The following DYNC1I1 variants were observed in gnomAD, a reference collection of about 807,000 sequenced individuals.
DYNC1I1 encodes cytoplasmic dynein 1 intermediate chain 1.
Under a neutral mutation model 86.6 loss-of-function variants are expected in DYNC1I1, and 43 were observed. The observed-to-expected ratio is 0.50, with a 90% confidence interval of 0.39 to 0.64. The LOEUF (loss-of-function observed/expected upper bound fraction) is 0.64, where lower values mean the gene tolerates loss of function less well. Among genes scored for constraint, DYNC1I1 ranks in the 30% least tolerant of loss-of-function variants. The probability of loss-of-function intolerance (pLI) is 0.00; values close to 1 mark genes in which losing one functional copy is unlikely to be tolerated. For synonymous variants in DYNC1I1, 262 were observed against 283.7 expected (o/e 0.92, Z 0.77); for missense variants, 604 against 788.8 (o/e 0.77, Z 2.81).
chr7:95,970,703 T>C (rs1793144357), intron 6 of DYNC1I1, among the ~76,000 whole-genome samples: 1 of 152,222 alleles, frequency 6.6e-6, no homozygotes, highest in Admixed American at 6.5e-5. Flanking sequence ...GTCTCCTGTT[T>C]TCATATTACC....
At position 95,867,434 on chromosome 7, in the gene DYNC1I1, A is replaced by G. The variant is rs190214672; in HGVS notation, c.375-2449A>G. ...TGTCACTTGTCCAAAGTTTTCCCCT[A>G]CCATTCAGCTGTATGTTCAAAGCAG... On this transcript the variant is annotated intron_variant, in intron 5 of 16. Transcript: ENST00000447467. 9.1e-4 allele frequency among the ~76,000 whole-genome samples: 138 copies of G among 152,282 alleles called. 1 individual carries two copies. Among genetic ancestry groups the G allele is most frequent in the Middle Eastern group, 3.4e-3 (1 of 294 alleles).
At chr7:95,978,241 C>A (rs1256666168) in intron 7 of DYNC1I1, among the ~76,000 whole-genome samples, 1 of 152,122 alleles carries the variant, frequency 6.6e-6, no homozygotes, top group Non-Finnish European at 1.5e-5. Flanking sequence ...AGAGAGAGGT[C>A]TAAAACTTTA....
chr7:95,855,412 T>C (rs1170241800), intron 5 of DYNC1I1, among the ~76,000 whole-genome samples: 2 of 152,182 alleles, frequency 1.3e-5, no homozygotes, highest in Non-Finnish European at 2.9e-5. Flanking sequence ...CAAGATTACT[T>C]TGGGTAGCTT....
intron 15 of DYNC1I1, among the ~76,000 whole-genome samples, chr7:96,077,142 A>C (rs1283991949): frequency 6.6e-5 from 10 of 152,256 alleles, no homozygotes; most frequent in African/African-American, 2.4e-4. Context: ...AACAACAAAA[A>C]GGTCTTTTGA....
At chr7:96,024,590 C>T (rs319289) in intron 10 of DYNC1I1, among the ~76,000 whole-genome samples, 69,167 of 152,002 alleles carry the variant, frequency 0.46, 16,270 homozygotes, top group East Asian at 0.6. Flanking sequence ...TTATTAGTCT[C>T]CATTTAATAA....
At chr7:95,798,331 C>CT (rs1045487296) in intron 1 of DYNC1I1, among the ~76,000 whole-genome samples, 1 of 150,026 alleles carries the variant, frequency 6.7e-6, no homozygotes. Context: ...CTATCACCCT[C>CT]TTTTTTTTTG....
intron 6 of DYNC1I1, among the ~76,000 whole-genome samples, chr7:95,966,521 T>G (rs976929339): frequency 6.6e-6 from 1 of 152,164 alleles, no homozygotes. Flanking sequence ...CCCTTTTCTC[T>G]TCATACTGTT....
chr7:96,067,211 A>G (rs1327173150), intron 14 of DYNC1I1, among the ~76,000 whole-genome samples: 2 of 152,204 alleles, frequency 1.3e-5, no homozygotes, highest in Non-Finnish European at 2.9e-5. Context: ...AACAAAATCA[A>G]TAGTTTACTG....
At chr7:95,910,735 T>C (rs1055495291) in intron 6 of DYNC1I1, among the ~76,000 whole-genome samples, 2 of 152,226 alleles carry the variant, frequency 1.3e-5, no homozygotes, top group South Asian at 4.1e-4. Context: ...CTGTCACTTA[T>C]TAGTTACATG....
intron 5 of DYNC1I1, among the ~76,000 whole-genome samples, chr7:95,831,469 C>T (rs1788902193): frequency 1.3e-5 from 2 of 152,058 alleles, no homozygotes; most frequent in Non-Finnish European, 2.9e-5. Context: ...GCCTCCCAGG[C>T]CAGAGACAGA....
chr7:96,026,422 G>T (rs1030490778), intron 10 of DYNC1I1, among the ~76,000 whole-genome samples: 23 of 150,088 alleles, frequency 1.5e-4, no homozygotes, highest in Admixed American at 6.0e-4. Flanking sequence ...GAGGTCATAG[G>T]TTTTTTTTTG....
At chr7:95,955,721 C>T (rs888761918) in intron 6 of DYNC1I1, among the ~76,000 whole-genome samples, 17 of 152,122 alleles carry the variant, frequency 1.1e-4, no homozygotes, top group Admixed American at 3.9e-4. Context: ...GACCAGCTTA[C>T]GTGCAAGGAA....
intron 6 of DYNC1I1, among the ~76,000 whole-genome samples, chr7:95,936,639 C>T (rs959321218): frequency 2.0e-5 from 3 of 151,762 alleles, no homozygotes; most frequent in African/African-American, 7.3e-5. Flanking sequence ...GATGATCTCA[C>T]GTTCAGAAAA....
At chr7:95,914,761 C>G (rs1014754899) in intron 6 of DYNC1I1, among the ~76,000 whole-genome samples, 1 of 152,166 alleles carries the variant, frequency 6.6e-6, no homozygotes, top group Non-Finnish European at 1.5e-5. Flanking sequence ...CCCTTAAATT[C>G]ATTACAGAGG....
At chr7:95,889,641 G>A (rs1383482991) in intron 6 of DYNC1I1, among the ~76,000 whole-genome samples, 2 of 152,100 alleles carry the variant, frequency 1.3e-5, no homozygotes, top group Non-Finnish European at 2.9e-5. Context: ...ACCATCCACA[G>A]AGTAAACAGA....
At chr7:95,818,290 C>T (rs1794992826) in intron 4 of DYNC1I1, among the ~76,000 whole-genome samples, 1 of 150,682 alleles carries the variant, frequency 6.6e-6, no homozygotes, top group Admixed American at 6.7e-5. Flanking sequence ...AGCCCTCCTC[C>T]AACATTTTAT....
At chr7:95,898,022 G>A (rs1231813270) in intron 6 of DYNC1I1, among the ~76,000 whole-genome samples, 1 of 152,146 alleles carries the variant, frequency 6.6e-6, no homozygotes, top group Non-Finnish European at 1.5e-5. Flanking sequence ...GGAATTTCCT[G>A]TCAAAGCAAC....
intron 14 of DYNC1I1, among the ~76,000 whole-genome samples, chr7:96,054,764 C>T (rs1789519753): frequency 6.6e-6 from 1 of 152,156 alleles, no homozygotes; most frequent in Non-Finnish European, 1.5e-5. Context: ...ACATAAATGT[C>T]TTCTTTTGAG....
At chr7:95,879,855 G>T (rs1210446183) in intron 6 of DYNC1I1, among the ~76,000 whole-genome samples, 5 of 152,120 alleles carry the variant, frequency 3.3e-5, no homozygotes, top group Non-Finnish European at 7.4e-5. Flanking sequence ...TTGTAGGAAG[G>T]TAATTGTCCA....
Sources: gnomAD v4.1 joint callset for allele counts (sites outside exome capture counted in the v4.1 genomes callset) on GRCh38, gnomAD v4.1.1 for gene constraint, MANE v1.5 for transcripts, NCBI Gene and HGNC (gene_info 2026-07-23, HGNC 2026-07-21) for gene names.